ROCK1: variants seen among roughly 807,000 people sequenced by gnomAD.
ROCK1 encodes Rho associated coiled-coil containing protein kinase 1.
A neutral mutation model predicts 196.8 loss-of-function variants in ROCK1; 36 were observed. The ratio of observed to expected loss-of-function variants is 0.18; its 90% CI spans 0.14 to 0.24. The LOEUF is 0.24. Ranked by LOEUF, ROCK1 falls within the 10% of genes least tolerant of loss-of-function variation. The pLI is 1.00. For synonymous variants in ROCK1, 443 were observed against 515.9 expected (o/e 0.86, Z 1.91); for missense variants, 920 against 1,562.0 (o/e 0.59, Z 6.93).
intron 1 of ROCK1, among the ~76,000 whole-genome samples, chr18:21,108,251 G>A (rs2036720620): frequency 6.6e-6 from 1 of 152,100 alleles, no homozygotes; most frequent in Admixed American, 6.5e-5. Flanking sequence ...AGAAGTGTTG[G>A]GCTCCATGAT....
At chr18:21,023,534 T>C (rs1018165062) in intron 11 of ROCK1, 86 bp downstream of exon 11, 13 of 649,526 alleles carry the variant, frequency 2.0e-5, no homozygotes, top group African/African-American at 3.8e-5. Context: ...TCACAAACAA[T>C]ATATAAATTT....
intron 1 of ROCK1, among the ~76,000 whole-genome samples, chr18:21,078,772 T>C (rs2036457704): frequency 6.6e-6 from 1 of 152,182 alleles, no homozygotes; most frequent in Admixed American, 6.5e-5. Flanking sequence ...TACAAGCTTG[T>C]AATGCTGCTA....
intron 31 of ROCK1, among the ~76,000 whole-genome samples, chr18:20,954,020 T>C (rs1292038670): frequency 6.6e-6 from 1 of 151,696 alleles, no homozygotes; most frequent in Middle Eastern, 3.4e-3. Flanking sequence ...CAAATAAATG[T>C]ATTTAAAGAA....
chr18:21,090,552 G>A (rs74861411), intron 1 of ROCK1, among the ~76,000 whole-genome samples: 1 of 152,102 alleles, frequency 6.6e-6, no homozygotes, highest in South Asian at 2.1e-4. Context: ...CTGGGGTGGG[G>A]AGCAGAATAT....
chr18:21,004,979 T>C (rs1404444978), intron 16 of ROCK1, among the ~76,000 whole-genome samples: 1 of 152,196 alleles, frequency 6.6e-6, no homozygotes, highest in Non-Finnish European at 1.5e-5. Flanking sequence ...CACTGAATTA[T>C]AGCTAATCAT....
At chr18:21,020,002 T>G (rs1178711458) in intron 12 of ROCK1, 149 bp downstream of exon 12, 1 of 433,468 alleles carries the variant, frequency 2.3e-6, no homozygotes, top group African/African-American at 2.1e-5. Flanking sequence ...TTCTCAATTC[T>G]AGCCGAGACA....
intron 9 of ROCK1, among the ~76,000 whole-genome samples, chr18:21,038,983 G>A (rs995343432): frequency 1.3e-5 from 2 of 152,020 alleles, no homozygotes; most frequent in Non-Finnish European, 2.9e-5. Context: ...ATTGCCAGCT[G>A]CAAAAGCCTG....
intron 1 of ROCK1, among the ~76,000 whole-genome samples, chr18:21,082,767 A>C (rs1443559451): frequency 6.6e-6 from 1 of 152,244 alleles, no homozygotes; most frequent in Non-Finnish European, 1.5e-5. Flanking sequence ...TGAGATCAGG[A>C]ACAAGACAAA....
intron 29 of ROCK1, among the ~76,000 whole-genome samples, chr18:20,959,218 ATT>A (rs1196589613): frequency 1.1e-5 from 1 of 92,874 alleles, no homozygotes; most frequent in African/African-American, 4.3e-5. Flanking sequence ...TAATATATAT[ATT>A]TTTTTTTTGA....
At chr18:21,007,663 T>C (rs1453244426) in intron 14 of ROCK1, among the ~76,000 whole-genome samples, 1 of 152,102 alleles carries the variant, frequency 6.6e-6, no homozygotes, top group African/African-American at 2.4e-5. Context: ...GAAATTCTGG[T>C]TTAGAAGTTC....
intron 2 of ROCK1, among the ~76,000 whole-genome samples, chr18:21,065,820 T>A (rs2036329675): frequency 1.3e-5 from 2 of 152,184 alleles, no homozygotes; most frequent in Non-Finnish European, 1.5e-5. Flanking sequence ...TCTTTATATT[T>A]CACTATTCAG....
At chr18:21,096,862 G>T (rs1161223267) in intron 1 of ROCK1, among the ~76,000 whole-genome samples, 1 of 152,110 alleles carries the variant, frequency 6.6e-6, no homozygotes, top group South Asian at 2.1e-4. Context: ...ATTCTCATTA[G>T]GTAAGATTAA....
intron 18 of ROCK1, among the ~76,000 whole-genome samples, chr18:20,988,029 T>A (rs1420909717): frequency 6.6e-6 from 1 of 152,110 alleles, no homozygotes; most frequent in Non-Finnish European, 1.5e-5. Flanking sequence ...ACTTCTGGCC[T>A]ATCCCCAAAC....
At chr18:20,962,917 C>T (rs2035340523) in intron 27 of ROCK1, among the ~76,000 whole-genome samples, 1 of 152,026 alleles carries the variant, frequency 6.6e-6, no homozygotes, top group Non-Finnish European at 1.5e-5. Flanking sequence ...CTTACGCCTA[C>T]CATAGTTGCA....
At position 20,987,059 on chromosome 18, in the gene ROCK1, T is replaced by C. The variant is rs752794813; in HGVS notation, c.2195A>G (p.Asn732Ser). 1 of 1,613,018 alleles carries C rather than the reference T, an allele frequency of 6.2e-7. No homozygotes were observed. Reference sequence around the variant, plus strand: ...CTGTTTCTCAATCTGAACAACCCGATTTTCAGCCTTCTCTCGAGCTTCTCT... The same window carrying C: ...CTGTTTCTCAATCTGAACAACCCGACTTTCAGCCTTCTCTCGAGCTTCTCT... ...EEREAREKAE[N>S]RVVQIEKQCS... Residue 732 changes from asparagine to serine, a missense_variant, in exon 19 of 33, where the codon AAT (asparagine) becomes AGT (serine). Asn to Ser is a conservative substitution (Grantham distance 46). Around this residue, in one of 6 missense-constraint regions of ROCK1, gnomAD observed 520 missense variants for 657.1 expected, o/e 0.79. Transcript: ENST00000399799.
chr18:21,109,213 G>T lies in ROCK1; in HGVS notation c.93+1605C>A, dbSNP rs533213252. Among the ~76,000 whole-genome samples, 7 of 152,284 alleles carry T rather than the reference G, an allele frequency of 4.6e-5. No homozygotes were observed. In the South Asian group the frequency reaches 1.4e-3, roughly 32 times the overall value. The stretch of plus-strand genomic sequence containing the variant: ...TTTCTGTGTATATATGTGAGACAAG[G>T]TTTTGTCTTCCATTAAATAGATTGG... On this transcript the variant is annotated intron_variant, in intron 1 of 32. Transcript: ENST00000399799.
intron 12 of ROCK1, among the ~76,000 whole-genome samples, chr18:21,019,289 G>T (rs2035891746): frequency 6.6e-6 from 1 of 152,090 alleles, no homozygotes; most frequent in Non-Finnish European, 1.5e-5. Context: ...AAGCAGCAGG[G>T]ACTACAGGGG....
At position 20,951,109 on chromosome 18, in the gene ROCK1, G is replaced by A. The variant is rs992675454; in HGVS notation, c.*275C>T. 5 of 325,530 alleles carry A rather than the reference G, an allele frequency of 1.5e-5. No individual in the cohort carries two copies. The highest frequency in any genetic ancestry group is 1.1e-4 in the African/African-American group (5 of 46,666). The allele number at this position is 325,530 out of a possible 1,614,324, so 20.2% of individuals were successfully genotyped here. A position where few individuals can be genotyped will look rare whatever the true frequency, so the allele number is the denominator to read the frequency against. ...GGCATTTTCTTATAAATCCAAAAAGGCAGCACCTTTTAAAAAAAATATATC... is the reference window on the plus strand; with the variant it reads ...GGCATTTTCTTATAAATCCAAAAAGACAGCACCTTTTAAAAAAAATATATC... On this transcript the variant is annotated 3_prime_UTR_variant, in exon 33 of 33. Coordinates refer to ENST00000399799, the MANE Select transcript of ROCK1 (RefSeq NM_005406.3).
At chr18:20,967,589 T>C (rs2035386088) in intron 26 of ROCK1, among the ~76,000 whole-genome samples, 163 bp downstream of exon 26, 1 of 152,206 alleles carries the variant, frequency 6.6e-6, no homozygotes, top group Non-Finnish European at 1.5e-5. Flanking sequence ...CCAATTATAG[T>C]TAATATTATA....
Sources: gnomAD v4.1 joint callset for allele counts (sites outside exome capture counted in the v4.1 genomes callset) on GRCh38, gnomAD v4.1.1 for gene constraint, gnomAD v4.1.1 regional missense constraint, MANE v1.5 for transcripts, NCBI Gene and HGNC (gene_info 2026-07-23, HGNC 2026-07-21) for gene names.